Variants in UBP1 observed in about 807,000 individuals in gnomAD.
The protein encoded by UBP1 is upstream-binding protein 1.
In UBP1, 22 loss-of-function variants were observed where a neutral mutation model predicts 76.1. That is an observed-to-expected ratio of 0.29 (90% CI 0.21 to 0.41). UBP1 has a LOEUF of 0.41. Among genes scored for constraint, UBP1 ranks in the 10% least tolerant of loss-of-function variants. The pLI, the probability that UBP1 is intolerant of heterozygous loss-of-function variation, is 1.00. For missense variants in UBP1, 436 were observed against 668.1 expected, an observed-to-expected ratio of 0.65 and a Z score of 3.83; for synonymous variants, 224 against 237.1, an observed-to-expected ratio of 0.94 and a Z score of 0.51.
intron 1 of UBP1, among the ~76,000 whole-genome samples, chr3:33,439,333 T>C (rs2045250311): frequency 6.6e-6 from 1 of 152,244 alleles, no homozygotes. Context: ...TAGGAACTGA[T>C]CCCAAAACGC....
At chr3:33,432,324 G>A (rs1463571618) in intron 1 of UBP1, among the ~76,000 whole-genome samples, 2 of 152,010 alleles carry the variant, frequency 1.3e-5, no homozygotes, top group Non-Finnish European at 2.9e-5. Context: ...ACCCTCTTCT[G>A]GCTAAGTTCT....
intron 9 of UBP1, among the ~76,000 whole-genome samples, 174 bp downstream of exon 9, chr3:33,402,627 G>A (rs1293700168): frequency 6.6e-6 from 1 of 152,070 alleles, no homozygotes; most frequent in Non-Finnish European, 1.5e-5. Context: ...AAAAAAGGCT[G>A]GTAGGTGAAG....
chr3:33,395,673 T>C lies in UBP1; in HGVS notation c.1390+489A>G, dbSNP rs117101101. On this transcript the variant is annotated intron_variant, in intron 13 of 15. Coordinates refer to ENST00000283629, the MANE Select transcript of UBP1 (RefSeq NM_014517.5). ...ACTTGTCAGTGACAAGTCCACACAC[T>C]TAGGACTATTACATGCAGGCACTGT... Among the ~76,000 whole-genome samples, 31 of 147,056 alleles carry C rather than the reference T, an allele frequency of 2.1e-4. No individual in the cohort carries two copies. The East Asian group carries it at 6.1e-3, about 29-fold the overall frequency.
intron 15 of UBP1, 118 bp downstream of exon 15, chr3:33,392,445 T>G (rs917468375): frequency 6.9e-6 from 6 of 867,588 alleles, no homozygotes; most frequent in Non-Finnish European, 1.0e-5. Flanking sequence ...TTATCAAACT[T>G]TCTTCTTAAA....
chr3:33,409,215 C>T (rs2044509581), intron 7 of UBP1, 21 bp downstream of exon 7: 1 of 1,609,996 alleles, frequency 6.2e-7, no homozygotes. Context: ...TCTTCCAAAA[C>T]CAAATGCTTT....
chr3:33,408,480 A>G (rs573481108), intron 8 of UBP1, among the ~76,000 whole-genome samples: 1 of 152,202 alleles, frequency 6.6e-6, no homozygotes, highest in South Asian at 2.1e-4. Context: ...TATGGTCAAC[A>G]TTGTTTTTTG....
chr3:33,410,505 G>A (rs900544746), intron 5 of UBP1, among the ~76,000 whole-genome samples: 1 of 152,102 alleles, frequency 6.6e-6, no homozygotes, highest in African/African-American at 2.4e-5. Context: ...GAATAATATT[G>A]GTAGAATACC....
intron 1 of UBP1, among the ~76,000 whole-genome samples, chr3:33,437,693 A>C (rs540839899): frequency 9.2e-5 from 14 of 152,344 alleles, no homozygotes; most frequent in African/African-American, 2.9e-4. Context: ...TGGATGCCAG[A>C]GGAAGTGACT....
chr3:33,414,460 ACAAT>A (rs1344922749), intron 3 of UBP1, among the ~76,000 whole-genome samples: 1 of 152,176 alleles, frequency 6.6e-6, no homozygotes, highest in Non-Finnish European at 1.5e-5. Flanking sequence ...CGAAAACAGA[ACAAT>A]CAGAGAAAGC....
Position 33,411,419 on chromosome 3 carries a change from A to G in UBP1, c.555+162T>C, listed in dbSNP as rs1489510709. Among the ~76,000 whole-genome samples the G allele has an allele frequency of 2.6e-5, 4 of 152,344 alleles. No individual in the cohort carries two copies. In the East Asian group the frequency reaches 7.7e-4, roughly 29 times the overall value. ...GTCTTCATATATGTTAGTTTAAAATAGGGTGAACTTACTAGATTAAACCTA... is the reference window on the plus strand; with the variant it reads ...GTCTTCATATATGTTAGTTTAAAATGGGGTGAACTTACTAGATTAAACCTA... On this transcript the variant is annotated intron_variant, in intron 5 of 15. Transcript: ENST00000283629.
At chr3:33,404,118 A>G (rs2154056589) in intron 8 of UBP1, among the ~76,000 whole-genome samples, 1 of 152,248 alleles carries the variant, frequency 6.6e-6, no homozygotes, top group African/African-American at 2.4e-5. Flanking sequence ...AAACAATAAA[A>G]TAAATATAAT....
intron 1 of UBP1, among the ~76,000 whole-genome samples, chr3:33,432,866 T>C (rs1206447719): frequency 6.6e-6 from 1 of 152,188 alleles, no homozygotes; most frequent in Admixed American, 6.5e-5. Flanking sequence ...TTGACAATAG[T>C]ACTCTGGTTG....
At chr3:33,397,932 C>T (rs1241404048) in intron 11 of UBP1, 1 of 152,094 alleles carries the variant, frequency 6.6e-6, no homozygotes, top group Non-Finnish European at 1.5e-5. Context: ...TACATACACA[C>T]CATGAACTAC....
rs2043653774 is a variant in UBP1 at position 33,389,183 on chromosome 3, G to A, written c.*1148C>T. The A allele has an allele frequency of 5.9e-5, 9 of 152,616 alleles. No individual in the cohort carries two copies. Among genetic ancestry groups the A allele is most frequent in the Admixed American group, 5.9e-4 (9 of 15,270 alleles). 9.5% of individuals were successfully genotyped at this position (152,616 alleles called of 1,614,324 possible). On this transcript the variant is annotated 3_prime_UTR_variant, in exon 16 of 16. Coordinates refer to ENST00000283629, the MANE Select transcript of UBP1 (RefSeq NM_014517.5). Reference sequence around the variant, plus strand: ...TTTATGAAAGAGGCACTCTTATAGAGAAAGAAGCTAGTATGTGGTGTATAA... The same window carrying A: ...TTTATGAAAGAGGCACTCTTATAGAAAAAGAAGCTAGTATGTGGTGTATAA...
rs1575470697 is a variant in UBP1, at chr3:33,409,151, C to T, written c.819+85G>A. On this transcript the variant is annotated intron_variant, in intron 7 of 15. Coordinates refer to ENST00000283629, the MANE Select transcript of UBP1 (RefSeq NM_014517.5). ...CAAACTGCCACCCAATCTTCCCCAACCCTTTTGTAGCAGAACTCATCTTAG... is the reference window on the plus strand; with the variant it reads ...CAAACTGCCACCCAATCTTCCCCAATCCTTTTGTAGCAGAACTCATCTTAG... 4 of 1,317,852 alleles carry T rather than the reference C, an allele frequency of 3.0e-6. No individual in the cohort carries two copies. The East Asian group carries it at 9.2e-5, about 30-fold the overall frequency. 81.6% of individuals were successfully genotyped at this position (1,317,852 alleles called of 1,614,324 possible). A position where few individuals can be genotyped will look rare whatever the true frequency, so the allele number is the denominator to read the frequency against.
intron 2 of UBP1, among the ~76,000 whole-genome samples, chr3:33,422,765 G>T (rs2044931963): frequency 8.5e-6 from 1 of 118,040 alleles, no homozygotes; most frequent in Admixed American, 1.0e-4. Flanking sequence ...AGGAGGAGGG[G>T]GGGAGAAAGG....
At chr3:33,429,067 G>C (rs2045068841) in intron 1 of UBP1, among the ~76,000 whole-genome samples, 1 of 152,140 alleles carries the variant, frequency 6.6e-6, no homozygotes, top group African/African-American at 2.4e-5. Context: ...TACTAACTTT[G>C]TATCTGCTAT....
Position 33,416,276 on chromosome 3 carries a change from G to A in UBP1, c.342+482C>T, listed in dbSNP as rs530597716. On this transcript the variant is annotated intron_variant, in intron 3 of 15. Coordinates refer to ENST00000283629, the MANE Select transcript of UBP1 (RefSeq NM_014517.5). ...ACAGGCTAGGAGGGGCCAGGGGGCA[G>A]GGATGGTTCTGAGGATACATCCTAA... Among the ~76,000 whole-genome samples the A allele has an allele frequency of 1.1e-4, 17 of 152,304 alleles. No homozygotes were observed. In the South Asian group the frequency reaches 3.5e-3, roughly 32 times the overall value.
chr3:33,411,521 A>C, intron 5 of UBP1, 60 bp downstream of exon 5: 1 of 1,429,806 alleles, frequency 7.0e-7, no homozygotes, highest in East Asian at 2.3e-5. Context: ...TCAAAAATTC[A>C]ATCCTACCAT....
Sources: gnomAD v4.1 joint callset for allele counts (sites outside exome capture counted in the v4.1 genomes callset) on GRCh38, gnomAD v4.1.1 for gene constraint, MANE v1.5 for transcripts, NCBI Gene and HGNC (gene_info 2026-07-23, HGNC 2026-07-21) for gene names.